Variants in DNER observed in about 807,000 individuals in gnomAD.
The protein encoded by DNER is delta and Notch-like epidermal growth factor-related receptor.
DNER carries 33 observed loss-of-function variants against 78.2 expected under a neutral mutation model. The ratio of observed to expected loss-of-function variants is 0.42; its 90% CI spans 0.32 to 0.56. DNER has a LOEUF of 0.56. Among genes scored for constraint, DNER ranks in the 20% least tolerant of loss-of-function variants. The probability of loss-of-function intolerance (pLI) is 0.11; values close to 1 mark genes in which losing one functional copy is unlikely to be tolerated. For missense variants in DNER, 918 were observed against 975.3 expected, an observed-to-expected ratio of 0.94 and a Z score of 0.78; for synonymous variants, 417 against 384.8, an observed-to-expected ratio of 1.08 and a Z score of -0.98.
intron 10 of DNER, among the ~76,000 whole-genome samples, chr2:229,391,413 C>A (rs1289103064): frequency 2.0e-5 from 3 of 151,382 alleles, no homozygotes; most frequent in African/African-American, 7.3e-5. Context: ...AATTTGAGTT[C>A]AAAAAAAACA....
chr2:229,695,488 T>C (rs1444035021), intron 1 of DNER, among the ~76,000 whole-genome samples: 1 of 152,200 alleles, frequency 6.6e-6, no homozygotes, highest in Non-Finnish European at 1.5e-5. Flanking sequence ...GCATTAATGC[T>C]CTGGTGGAGA....
At chr2:229,623,372 C>T (rs922031091) in intron 1 of DNER, among the ~76,000 whole-genome samples, 1 of 152,134 alleles carries the variant, frequency 6.6e-6, no homozygotes, top group African/African-American at 2.4e-5. Flanking sequence ...CTGGCCATTT[C>T]CCCTCAAATC....
chr2:229,461,884 A>G (rs1304608954), intron 7 of DNER, among the ~76,000 whole-genome samples: 1 of 152,150 alleles, frequency 6.6e-6, no homozygotes, highest in Non-Finnish European at 1.5e-5. Flanking sequence ...CAACAGCTCC[A>G]GAGAAAAGGT....
At chr2:229,635,355 C>T (rs186806039) in intron 1 of DNER, among the ~76,000 whole-genome samples, 191 of 104,998 alleles carry the variant, frequency 1.8e-3, no homozygotes, top group Non-Finnish European at 3.1e-3. Flanking sequence ...CACTAAGGTC[C>T]CACAGGAAAA....
At chr2:229,556,444 C>CT (rs922136398) in intron 4 of DNER, among the ~76,000 whole-genome samples, 3 of 152,148 alleles carry the variant, frequency 2.0e-5, no homozygotes, top group Non-Finnish European at 4.4e-5. Flanking sequence ...GAAAAATGCT[C>CT]TAAGTAATTC....
At chr2:229,558,952 T>C (rs975952744) in intron 4 of DNER, among the ~76,000 whole-genome samples, 8 of 152,106 alleles carry the variant, frequency 5.3e-5, no homozygotes, top group South Asian at 4.2e-4. Flanking sequence ...TGGGAATCCA[T>C]TGGAGAGTTT....
chr2:229,491,314 C>T (rs1038117840), intron 6 of DNER, among the ~76,000 whole-genome samples: 32 of 152,128 alleles, frequency 2.1e-4, no homozygotes, highest in African/African-American at 7.0e-4. Flanking sequence ...TCCTCATAGA[C>T]GGCACCTTCG....
At chr2:229,632,731 G>A (rs553621720) in intron 1 of DNER, among the ~76,000 whole-genome samples, 176 of 152,292 alleles carry the variant, frequency 1.2e-3, no homozygotes, top group Middle Eastern at 3.4e-3. Context: ...TCAGCCCAGA[G>A]ATGATATTAA....
chr2:229,535,627 A>G (rs1251507368), intron 5 of DNER, among the ~76,000 whole-genome samples: 2 of 151,974 alleles, frequency 1.3e-5, no homozygotes, highest in Admixed American at 6.6e-5. Context: ...GCTTGGAAGG[A>G]GATGTTGTAA....
At chr2:229,578,781 T>C (rs1467566319) in intron 4 of DNER, among the ~76,000 whole-genome samples, 1 of 152,162 alleles carries the variant, frequency 6.6e-6, no homozygotes, top group Non-Finnish European at 1.5e-5. Context: ...CTTATAGGAA[T>C]AGTTTACCCA....
chr2:229,498,067 G>A (rs903193452), intron 6 of DNER, among the ~76,000 whole-genome samples: 2 of 152,002 alleles, frequency 1.3e-5, no homozygotes, highest in Admixed American at 6.6e-5. Context: ...CATATTAACA[G>A]AATCATTCAC....
At chr2:229,381,402 G>A (rs892704127) in intron 11 of DNER, among the ~76,000 whole-genome samples, 11 of 152,036 alleles carry the variant, frequency 7.2e-5, no homozygotes, top group Admixed American at 4.6e-4. Context: ...CTACCCCAGT[G>A]GCTCCTGGAA....
At position 229,548,210 on chromosome 2, in the gene DNER, G is replaced by A. The variant is rs150074395; in HGVS notation, c.848-1118C>T. On this transcript the variant is annotated intron_variant, in intron 4 of 12. Transcript: ENST00000341772. ...GCAACTGAAATGAGTTCCATTATCA[G>A]GAAAAAGAGTAGGTTTGGATCCCTC... Among the ~76,000 whole-genome samples, 1,033 of 152,172 alleles carry A rather than the reference G, an allele frequency of 6.8e-3. 12 individuals carry two copies. The highest frequency in any genetic ancestry group is 0.023 in the African/African-American group (972 of 41,524).
chr2:229,501,773 A>G (rs937981401), intron 6 of DNER, among the ~76,000 whole-genome samples: 3 of 152,212 alleles, frequency 2.0e-5, no homozygotes, highest in Admixed American at 6.5e-5. Flanking sequence ...TTGTGTATTT[A>G]TCTGGTGTTT....
In DNER at chr2:229,644,370, G is replaced by A. The variant is rs150323560; in HGVS notation, c.277-52482C>T. Among the ~76,000 whole-genome samples the A allele has an allele frequency of 2.1e-3, 259 of 124,390 alleles. 2 individuals are homozygous for A. Among genetic ancestry groups the A allele is most frequent in the African/African-American group, 7.9e-3 (248 of 31,486 alleles). 81.6% of individuals were successfully genotyped at this position (124,390 alleles called of 152,430 possible). On this transcript the variant is annotated intron_variant, in intron 1 of 12. Coordinates refer to ENST00000341772, the MANE Select transcript of DNER (RefSeq NM_139072.4). Reference sequence around the variant, plus strand: ...TTTTTTTTTTTTTTTTTGAGCTGGAGTCTCACTGTGTCTCCCAGGCTGGAG... The same window carrying A: ...TTTTTTTTTTTTTTTTTGAGCTGGAATCTCACTGTGTCTCCCAGGCTGGAG...
chr2:229,696,708 G>A (rs1017945391), intron 1 of DNER, among the ~76,000 whole-genome samples: 1 of 152,208 alleles, frequency 6.6e-6, no homozygotes, highest in African/African-American at 2.4e-5. Context: ...GGAGGTACAG[G>A]AGGCTGGGCC....
Position 229,390,229 on chromosome 2 carries a change from A to AGCT in DNER, c.1724-1834_1724-1833insAGC, listed in dbSNP as rs1559338765. Among the ~76,000 whole-genome samples, 12 of 152,368 alleles carry AGCT rather than the reference A, an allele frequency of 7.9e-5. No homozygotes were observed. The East Asian group carries it at 2.3e-3, about 29-fold the overall frequency. On this transcript the variant is annotated intron_variant, in intron 10 of 12. Coordinates refer to ENST00000341772, the MANE Select transcript of DNER (RefSeq NM_139072.4). Reference sequence around the variant, plus strand: ...CAAATTCTGAAATGAGATGCTCTGTAACCTTTACAAGAATAGCTACAGAAA... The same window carrying AGCT: ...CAAATTCTGAAATGAGATGCTCTGTAGCTACCTTTACAAGAATAGCTACAGAAA...
intron 5 of DNER, among the ~76,000 whole-genome samples, chr2:229,532,444 T>C (rs1446394812): frequency 1.3e-5 from 2 of 152,190 alleles, no homozygotes; most frequent in Non-Finnish European, 2.9e-5. Flanking sequence ...TCAGGTACCA[T>C]CTCACTCTGT....
At chr2:229,585,496 A>C (rs1370067204) in intron 4 of DNER, among the ~76,000 whole-genome samples, 1 of 151,968 alleles carries the variant, frequency 6.6e-6, no homozygotes, top group Non-Finnish European at 1.5e-5. Flanking sequence ...CCCCATCTTT[A>C]CTAAAAATGC....
Sources: allele counts gnomAD v4.1 joint callset (sites outside exome capture counted in the v4.1 genomes callset), GRCh38; gene constraint gnomAD v4.1.1; transcripts MANE v1.5; gene names NCBI Gene and HGNC (gene_info 2026-07-23, HGNC 2026-07-21).